KMT2B: variants seen among roughly 807,000 people sequenced by gnomAD.
KMT2B encodes the protein lysine methyltransferase 2B, also known as histone-lysine N-methyltransferase 2B.
In KMT2B, 22 loss-of-function variants were observed where a neutral mutation model predicts 255.3. That is an observed-to-expected ratio of 0.09 (90% CI 0.06 to 0.12). The LOEUF (loss-of-function observed/expected upper bound fraction) is 0.12, where lower values mean the gene tolerates loss of function less well. Ranked by LOEUF, KMT2B falls within the 10% of genes least tolerant of loss-of-function variation. KMT2B has a pLI of 1.00. For synonymous variants in KMT2B, 1,730 were observed against 1,498.1 expected, an observed-to-expected ratio of 1.15 and a Z score of -3.57; for missense variants, 3,149 against 3,737.0, an observed-to-expected ratio of 0.84 and a Z score of 4.10.
chr19:35,722,747 A>G (rs1969272714), intron 5 of KMT2B, 29 bp downstream of exon 5: 1 of 1,553,792 alleles, frequency 6.4e-7, no homozygotes, highest in East Asian at 2.2e-5. Flanking sequence ...CAGCCATGTC[A>G]GGTTTGGGGA....
In KMT2B at chr19:35,732,447, T is replaced by A. The variant is rs993033302; in HGVS notation, c.5898T>A (p.Ser1966=). The part of the protein sequence containing the change: ...GELAPPGPAP[S]PPPPEDLGPD... ...TGGCTCCCCCTGGCCCGGCCCCATCTCCACCACCCCCTGAAGACCTGGGCC... is the reference window on the plus strand; with the variant it reads ...TGGCTCCCCCTGGCCCGGCCCCATCACCACCACCCCCTGAAGACCTGGGCC... The change falls in exon 28 of 37, where the codon TCT becomes TCA. Residue 1966 remains serine (S), a synonymous_variant. Coordinates refer to ENST00000420124, the MANE Select transcript of KMT2B (RefSeq NM_014727.3). 1.9e-6 allele frequency: 3 copies of A among 1,613,206 alleles called. No homozygotes were observed. Among genetic ancestry groups the A allele is most frequent in the East Asian group, 2.2e-5 (1 of 44,840 alleles).
At chr19:35,728,558 A>AGC (rs1390407423) in intron 19 of KMT2B, among the ~76,000 whole-genome samples, 2 of 152,132 alleles carry the variant, frequency 1.3e-5, no homozygotes, top group African/African-American at 4.8e-5. Flanking sequence ...ATGGCATTGG[A>AGC]GCAGAGCTGG....
At chr19:35,721,893 T>C (rs1969229198) in intron 3 of KMT2B, 89 bp downstream of exon 3, 1 of 1,435,940 alleles carries the variant, frequency 7.0e-7, no homozygotes, top group East Asian at 2.5e-5. Flanking sequence ...CTTGGACACT[T>C]TCCAGCATTG....
In KMT2B at chr19:35,732,343, C is replaced by G. The variant is rs1969737490; in HGVS notation, c.5794C>G (p.Pro1932Ala). The G allele has an allele frequency of 6.2e-7, 1 of 1,611,632 alleles. No individual in the cohort carries two copies. The highest frequency in any genetic ancestry group is 8.5e-7 in the Non-Finnish European group (1 of 1,178,892). Reference sequence around the variant, plus strand: ...GCCTCCATCACGGTGGGCCTCCCCTCCTCTAAAAACCTCCCCTCAGCTCAG... The same window carrying G: ...GCCTCCATCACGGTGGGCCTCCCCTGCTCTAAAAACCTCCCCTCAGCTCAG... Reference protein sequence around the residue: ...RPPPSRWASPPLKTSPQLRVP... With the variant: ...RPPPSRWASPALKTSPQLRVP... The change falls in exon 28 of 37, where the codon CCT becomes GCT. Residue 1932 changes from proline (P) to alanine (A), a missense_variant. This residue lies in a region of KMT2B where 897 missense variants were observed against 825.3 expected (regional missense o/e 1.09). Transcript: ENST00000420124.
At position 35,733,746 on chromosome 19, in the gene KMT2B, C is replaced by A. The variant is rs200790417; in HGVS notation, c.7050-17C>A. ...GGACCTCTGTCCTTCCCCTTCCTGA[C>A]AGGTCTCTTCTCGCAGGCCCCTCCA... On this transcript the variant is annotated splice_polypyrimidine_tract_variant and intron_variant, in intron 29 of 36. Coordinates refer to ENST00000420124, the MANE Select transcript of KMT2B (RefSeq NM_014727.3). The surrounding 1 kb of genome is among the most constrained non-coding windows in gnomAD (Gnocchi z 4.3). The A allele has an allele frequency of 6.8e-5, 109 of 1,611,116 alleles. No individual in the cohort carries two copies. Among genetic ancestry groups the A allele is most frequent in the Non-Finnish European group, 9.3e-5 (109 of 1,177,994 alleles).
intron 26 of KMT2B, among the ~76,000 whole-genome samples, chr19:35,731,110 G>A (rs1210125445): frequency 1.4e-4 from 21 of 152,330 alleles, no homozygotes; most frequent in African/African-American, 7.2e-5. Flanking sequence ...GCTTTTGGAC[G>A]ACTGCAGGGA....
chr19:35,736,774 G>A lies in KMT2B; in HGVS notation c.7244G>A (p.Arg2415His). The change falls in exon 31 of 37, where the codon CGC becomes CAC. Residue 2415 changes from arginine to histidine, a missense_variant. Arg to His is a conservative substitution (Grantham distance 29). Coordinates refer to ENST00000420124, the MANE Select transcript of KMT2B (RefSeq NM_014727.3). The stretch of plus-strand genomic sequence containing the variant: ...CCAAAACGGACTGGCCCACATCTGC[G>A]CTTCGAGATCAGCAGTGAGGATGGG... ...QAPKRTGPHLRFEISSEDGFS... is the reference protein window; with the variant it reads ...QAPKRTGPHLHFEISSEDGFS... The A allele has an allele frequency of 6.2e-7, 1 of 1,613,998 alleles. No homozygotes were observed.
chr19:35,734,069 C>T (rs1172300093), intron 30 of KMT2B, among the ~76,000 whole-genome samples, 197 bp downstream of exon 30: 2 of 152,178 alleles, frequency 1.3e-5, no homozygotes, highest in African/African-American at 4.8e-5. Context: ...GACATTTCGC[C>T]TCTACGTGGG....
In KMT2B at chr19:35,719,867, C is replaced by T. The variant is rs779172579; in HGVS notation, c.520C>T (p.Pro174Ser). The T allele has an allele frequency of 1.8e-5, 29 of 1,613,396 alleles. No individual in the cohort carries two copies. The Admixed American group carries it at 2.3e-4, about 13-fold the overall frequency. The change falls in exon 3 of 37, where the codon CCA (proline) becomes TCA (serine). Residue 174 changes from proline to serine, a missense_variant. Pro to Ser is a moderately conservative substitution (Grantham distance 74). This residue lies in a region of KMT2B where 1,188 missense variants were observed against 1,106.4 expected (regional missense o/e 1.07). Transcript: ENST00000420124. ...PRLADVAPTPPKTPARKRGEE... is the reference protein window; with the variant it reads ...PRLADVAPTPSKTPARKRGEE... The stretch of plus-strand genomic sequence containing the variant: ...CCTAGCAGATGTGGCTCCTACCCCC[C>T]CAAAGACCCCTGCCCGGAAACGGGG...
At position 35,729,224 on chromosome 19, in the gene KMT2B, G is replaced by A. The variant is rs760914884; in HGVS notation, c.4845G>A (p.Ser1615=). The change falls in exon 22 of 37, where the codon TCG becomes TCA. Residue 1615 remains serine, a synonymous_variant. Transcript: ENST00000420124. ...CACACGTCAACTGTGCCATCTGGTC[G>A]GCGGAAGTCTTCGAGGAGAACGACG... ...EWTHVNCAIW[S]AEVFEENDGS... The A allele has an allele frequency of 1.1e-5, 18 of 1,610,360 alleles. No individual in the cohort carries two copies. The East Asian group carries it at 1.3e-4, about 12-fold the overall frequency.
In KMT2B at chr19:35,733,830, C is replaced by T; in HGVS notation, c.7117C>T (p.Pro2373Ser). ...EDGPPQVPDGPPDLLLESQWH... is the reference protein window; with the variant it reads ...EDGPPQVPDGSPDLLLESQWH... ...TGGTCCTCCCCAGGTCCCCGATGGT[C>T]CCCCAGACCTGCTGCTTGAGTCCCA... The change falls in exon 30 of 37, where the codon CCC (proline) becomes TCC (serine). Residue 2373 changes from proline to serine, a missense_variant. By Grantham distance (74) the Pro-to-Ser change is moderately conservative (BLOSUM62 -1). Transcript: ENST00000420124. The surrounding 1 kb of genome is among the most constrained non-coding windows in gnomAD (Gnocchi z 4.3). The T allele has an allele frequency of 6.2e-7, 1 of 1,613,456 alleles. No homozygotes were observed. The highest frequency in any genetic ancestry group is 1.1e-5 in the South Asian group (1 of 91,056).
At position 35,720,427 on chromosome 19, in the gene KMT2B, G is replaced by T; in HGVS notation, c.1080G>T (p.Lys360Asn). 1 of 1,558,792 alleles carries T rather than the reference G, an allele frequency of 6.4e-7. No homozygotes were observed. Residue 360 changes from lysine (K) to asparagine (N), a missense_variant, in exon 3 of 37, where the codon AAG becomes AAT. Lys to Asn is a moderately conservative substitution (Grantham distance 94). Transcript: ENST00000420124. The part of the protein sequence containing the change: ...GSPCWKKQEQ[K>N]LDDEEEEKKE... Reference sequence around the variant, plus strand: ...CTTGCTGGAAAAAGCAGGAACAGAAGCTGGATGACGAGGAAGAAGAGAAGA... The same window carrying T: ...CTTGCTGGAAAAAGCAGGAACAGAATCTGGATGACGAGGAAGAAGAGAAGA...
chr19:35,727,796 T>G lies in KMT2B; in HGVS notation c.4392+9T>G, dbSNP rs1269520660. On this transcript the variant is annotated intron_variant, in intron 17 of 36. Transcript: ENST00000420124. This position sits in a 1 kb window ranked among gnomAD's most constrained non-coding sequence, Gnocchi z 4.2. The stretch of plus-strand genomic sequence containing the variant: ...GCCACTACAAGTCTGTGGTGAGTGG[T>G]ACACCAGGAGGAGCAGGTGGGTGGC... 1.2e-6 allele frequency: 2 copies of G among 1,613,444 alleles called. No homozygotes were observed. The highest frequency in any genetic ancestry group is 1.7e-6 in the Non-Finnish European group (2 of 1,179,628).
At chr19:35,734,255 A>G (rs1019813635) in intron 30 of KMT2B, among the ~76,000 whole-genome samples, 1 of 151,976 alleles carries the variant, frequency 6.6e-6, no homozygotes, top group Non-Finnish European at 1.5e-5. Context: ...CAGTGGGAAG[A>G]TCAGAAGAGT....
chr19:35,718,004 T>C lies in KMT2B; in HGVS notation c.-15T>C, dbSNP rs1969019201. ...CCCCTCCCCCCGCCTCCCCGGCCCC[T>C]CTCACGGTGCCAAGATGGCGGCGGC... On this transcript the variant is annotated 5_prime_UTR_variant, in exon 1 of 37. Transcript: ENST00000420124. This position sits in a 1 kb window ranked among gnomAD's most constrained non-coding sequence, Gnocchi z 5.0. The C allele has an allele frequency of 1.0e-6, 1 of 984,066 alleles. No individual in the cohort carries two copies. The highest frequency in any genetic ancestry group is 1.2e-6 in the Non-Finnish European group (1 of 830,236). 61.0% of individuals were successfully genotyped at this position (984,066 alleles called of 1,614,324 possible). A position where few individuals can be genotyped will look rare whatever the true frequency, so the allele number is the denominator to read the frequency against.
chr19:35,724,020 T>A lies in KMT2B; in HGVS notation c.3334+13T>A. ...CCCCGAGAAAATGGTGCGAACTGCT[T>A]AATGCTTTCTCTGTTGATCATTTAT... On this transcript the variant is annotated intron_variant, in intron 8 of 36. Coordinates refer to ENST00000420124, the MANE Select transcript of KMT2B (RefSeq NM_014727.3). The A allele has an allele frequency of 6.4e-7, 1 of 1,564,224 alleles. No homozygotes were observed. The highest frequency in any genetic ancestry group is 8.7e-7 in the Non-Finnish European group (1 of 1,154,112).
chr19:35,726,212 C>T (rs1258437602), intron 13 of KMT2B, 24 bp from the exon 14 acceptor site: 3 of 1,588,228 alleles, frequency 1.9e-6, no homozygotes, highest in Non-Finnish European at 1.7e-6. Context: ...CTGGTTTTCC[C>T]CTAACATCGC....
chr19:35,729,773 T>A (rs1444539934), intron 22 of KMT2B, among the ~76,000 whole-genome samples, 194 bp from the exon 23 acceptor site: 1 of 152,216 alleles, frequency 6.6e-6, no homozygotes, highest in Non-Finnish European at 1.5e-5. Context: ...CAGCAAGTAT[T>A]GTCATTCTTG....
In KMT2B at chr19:35,738,242, C is replaced by A. The variant is rs772879301; in HGVS notation, c.7873-40C>A. The A allele has an allele frequency of 6.9e-6, 11 of 1,593,192 alleles. No homozygotes were observed. The South Asian group carries it at 9.9e-5, about 14-fold the overall frequency. On this transcript the variant is annotated intron_variant, in intron 36 of 36. Transcript: ENST00000420124. This position sits in a 1 kb window ranked among gnomAD's most constrained non-coding sequence, Gnocchi z 8.7. ...ACAGTGGGTGAAGCGAGCCTGTCCG[C>A]GGGGACAGAGCACCTGATCTCCCCA...
Sources: gnomAD v4.1 joint callset for allele counts (sites outside exome capture counted in the v4.1 genomes callset) on GRCh38, gnomAD v4.1.1 for gene constraint, gnomAD v4.1.1 regional missense constraint, Gnocchi (gnomAD v3.1) non-coding constraint, MANE v1.5 for transcripts, NCBI Gene and HGNC (gene_info 2026-07-23, HGNC 2026-07-21) for gene names.